The following LRP1B variants were observed in gnomAD, a reference collection of about 807,000 sequenced individuals.
LRP1B encodes LDL receptor related protein 1B.
Under a neutral mutation model 556.6 loss-of-function variants are expected in LRP1B, and 217 were observed. That is an observed-to-expected ratio of 0.39 (90% CI 0.35 to 0.44). The LOEUF is 0.44. Among genes scored for constraint, LRP1B ranks in the 20% least tolerant of loss-of-function variants. The pLI is 1.00. For missense variants in LRP1B, 5,053 were observed against 5,620.8 expected, an observed-to-expected ratio of 0.90 and a Z score of 3.23; for synonymous variants, 2,047 against 1,865.8, an observed-to-expected ratio of 1.10 and a Z score of -2.50.
intron 43 of LRP1B, among the ~76,000 whole-genome samples, chr2:140,588,902 G>C (rs1682102538): frequency 6.7e-6 from 1 of 149,278 alleles, no homozygotes; most frequent in Non-Finnish European, 1.5e-5. Context: ...AGAGGTTGCA[G>C]TGAGCCGAGA....
At chr2:140,545,574 G>T (rs1680300063) in intron 43 of LRP1B, among the ~76,000 whole-genome samples, 1 of 151,920 alleles carries the variant, frequency 6.6e-6, no homozygotes, top group Non-Finnish European at 1.5e-5. Context: ...TGTCAGCTTT[G>T]TTGAACACCA....
At chr2:140,646,686 A>G (rs968483336) in intron 41 of LRP1B, among the ~76,000 whole-genome samples, 4 of 152,090 alleles carry the variant, frequency 2.6e-5, no homozygotes, top group African/African-American at 9.7e-5. Context: ...AAAAGCAACT[A>G]TTTCTCTTTG....
At chr2:141,693,747 G>A (rs1259358360) in intron 2 of LRP1B, among the ~76,000 whole-genome samples, 2 of 151,908 alleles carry the variant, frequency 1.3e-5, no homozygotes, top group African/African-American at 2.4e-5. Context: ...TCATGTCTAA[G>A]GGATTCTTAT....
In LRP1B at chr2:140,457,663, G is replaced by A. The variant is rs767652902; in HGVS notation, c.9626-12C>T. On this transcript the variant is annotated splice_polypyrimidine_tract_variant and intron_variant, in intron 60 of 90. Coordinates refer to ENST00000389484, the MANE Select transcript of LRP1B (RefSeq NM_018557.3). ...ATCTTGATTAGGGACTGTAATAGGA[G>A]ATGGTAAGATTAATGTTCAGTCTTG... 2 of 1,601,788 alleles carry A rather than the reference G, an allele frequency of 1.2e-6. No individual in the cohort carries two copies. Among genetic ancestry groups the A allele is most frequent in the Admixed American group, 3.3e-5 (2 of 59,890 alleles).
chr2:140,824,041 A>C (rs1691420489), intron 31 of LRP1B, among the ~76,000 whole-genome samples: 1 of 151,950 alleles, frequency 6.6e-6, no homozygotes, highest in Non-Finnish European at 1.5e-5. Flanking sequence ...AACCTCAATG[A>C]CATGAGTTTA....
chr2:141,051,986 A>C (rs1699049297), intron 10 of LRP1B, among the ~76,000 whole-genome samples: 1 of 151,924 alleles, frequency 6.6e-6, no homozygotes, highest in Admixed American at 6.6e-5. Context: ...TTTTAGAATC[A>C]AGATTATTGT....
intron 1 of LRP1B, among the ~76,000 whole-genome samples, chr2:141,934,189 G>A (rs1203124131): frequency 6.6e-6 from 1 of 151,924 alleles, no homozygotes; most frequent in Non-Finnish European, 1.5e-5. Context: ...GACAGAATCA[G>A]TGAACTGGAA....
At chr2:141,717,062 C>T (rs1692629439) in intron 2 of LRP1B, among the ~76,000 whole-genome samples, 6 of 152,100 alleles carry the variant, frequency 3.9e-5, no homozygotes, top group Admixed American at 3.9e-4. Flanking sequence ...CTCATTTGTA[C>T]TTGCTTGACC....
chr2:140,780,624 C>G (rs1689664785), intron 32 of LRP1B, among the ~76,000 whole-genome samples: 1 of 152,152 alleles, frequency 6.6e-6, no homozygotes, highest in Non-Finnish European at 1.5e-5. Flanking sequence ...CACATTAAAG[C>G]TAAAGAGAGC....
At chr2:140,593,777 T>TA (rs1158972785) in intron 43 of LRP1B, among the ~76,000 whole-genome samples, 1 of 152,102 alleles carries the variant, frequency 6.6e-6, no homozygotes, top group Non-Finnish European at 1.5e-5. Flanking sequence ...AACTTCAGAT[T>TA]AAAAAAATCA....
chr2:140,804,648 A>ATTTTT (rs1690646115), intron 32 of LRP1B, among the ~76,000 whole-genome samples: 1 of 103,892 alleles, frequency 9.6e-6, no homozygotes. Flanking sequence ...GGTAAAAACT[A>ATTTTT]ATTTTTTTTT....
At chr2:140,731,761 C>T (rs13019699) in intron 35 of LRP1B, among the ~76,000 whole-genome samples, 23,372 of 104,130 alleles carry the variant, frequency 0.22, 2,768 homozygotes, top group African/African-American at 0.37. Context: ...AGTGAGACTC[C>T]GTCAAAAAAA....
chr2:140,346,382 G>A (rs551822062), intron 77 of LRP1B, among the ~76,000 whole-genome samples: 2 of 151,824 alleles, frequency 1.3e-5, no homozygotes, highest in South Asian at 4.1e-4. Context: ...GACTTGTTTA[G>A]TAAAATTTTG....
chr2:141,765,295 A>C (rs562652875), intron 2 of LRP1B, among the ~76,000 whole-genome samples: 1 of 152,340 alleles, frequency 6.6e-6, no homozygotes, highest in South Asian at 2.1e-4. Flanking sequence ...ATAGAGCTAA[A>C]AGCAGAATTA....
intron 14 of LRP1B, among the ~76,000 whole-genome samples, chr2:141,005,833 G>A (rs1383099214): frequency 2.6e-5 from 4 of 151,950 alleles, no homozygotes; most frequent in African/African-American, 9.7e-5. Flanking sequence ...GATTCCCAGG[G>A]AACAGAAAGC....
chr2:140,592,472 ATCT>A (rs1682266245), intron 43 of LRP1B, among the ~76,000 whole-genome samples: 1 of 151,718 alleles, frequency 6.6e-6, no homozygotes, highest in Non-Finnish European at 1.5e-5. Flanking sequence ...GTTGACACTC[ATCT>A]TCTTTCTTGT....
At chr2:141,639,424 T>A (rs71417154) in intron 2 of LRP1B, among the ~76,000 whole-genome samples, 10,314 of 119,926 alleles carry the variant, frequency 0.086, 756 homozygotes, top group South Asian at 0.11. Context: ...ATATATATAT[T>A]TTTTTTTGAG....
chr2:141,771,830 GTTT>G (rs1281116430), intron 2 of LRP1B, among the ~76,000 whole-genome samples: 2 of 151,980 alleles, frequency 1.3e-5, no homozygotes, highest in African/African-American at 4.8e-5. Context: ...TGTTGTTGTT[GTTT>G]TTGCGATGAA....
intron 86 of LRP1B, among the ~76,000 whole-genome samples, chr2:140,268,166 G>C (rs139051910): frequency 2.1e-4 from 32 of 151,964 alleles, no homozygotes; most frequent in African/African-American, 6.7e-4. Flanking sequence ...AATAAAATAG[G>C]TACCTGAATC....
Sources: allele counts gnomAD v4.1 joint callset (sites outside exome capture counted in the v4.1 genomes callset), GRCh38; gene constraint gnomAD v4.1.1; transcripts MANE v1.5; gene names NCBI Gene and HGNC (gene_info 2026-07-23, HGNC 2026-07-21).